PDGFC: variants seen among roughly 807,000 people sequenced by gnomAD.
PDGFC encodes the protein platelet derived growth factor C.
Under a neutral mutation model 35.5 loss-of-function variants are expected in PDGFC, and 12 were observed. That is an observed-to-expected ratio of 0.34 (90% confidence interval 0.22 to 0.55). PDGFC has a LOEUF of 0.55. PDGFC is among the 20% of genes least tolerant of loss of function. The probability of loss-of-function intolerance (pLI) is 0.91; values close to 1 mark genes in which losing one functional copy is unlikely to be tolerated. For missense variants in PDGFC, 322 were observed against 412.4 expected (o/e 0.78, Z 1.90); for synonymous variants, 159 against 148.8 (o/e 1.07, Z -0.50).
intron 2 of PDGFC, among the ~76,000 whole-genome samples, chr4:156,815,950 C>T (rs1409133724): frequency 2.6e-5 from 4 of 152,126 alleles, no homozygotes; most frequent in South Asian, 2.1e-4. Flanking sequence ...GGAGGATTTA[C>T]GTTCTTTTAT....
At chr4:156,845,397 C>G (rs980128430) in intron 2 of PDGFC, among the ~76,000 whole-genome samples, 4 of 151,328 alleles carry the variant, frequency 2.6e-5, no homozygotes, top group African/African-American at 9.7e-5. Flanking sequence ...TATATATATA[C>G]AGAGAGAGAA....
intron 1 of PDGFC, chr4:156,873,988 C>T (rs1480110981): frequency 6.6e-6 from 1 of 152,184 alleles, no homozygotes; most frequent in Non-Finnish European, 1.5e-5. Context: ...ACACTGAAAG[C>T]CCAACCTCAT....
At chr4:156,904,204 C>T (rs1212627816) in intron 1 of PDGFC, among the ~76,000 whole-genome samples, 1 of 151,968 alleles carries the variant, frequency 6.6e-6, no homozygotes, top group Non-Finnish European at 1.5e-5. Flanking sequence ...AGTTCCTTAT[C>T]AACTGACTTG....
At chr4:156,871,018 C>CA (rs1729969562) in intron 1 of PDGFC, among the ~76,000 whole-genome samples, 1 of 152,028 alleles carries the variant, frequency 6.6e-6, no homozygotes, top group African/African-American at 2.4e-5. Context: ...TATGGGCAAA[C>CA]AAAATGATTC....
intron 1 of PDGFC, among the ~76,000 whole-genome samples, chr4:156,863,015 AC>A (rs2111119072): frequency 6.6e-6 from 1 of 152,220 alleles, no homozygotes; most frequent in South Asian, 2.1e-4. Flanking sequence ...TATAGTTCTT[AC>A]AATGATTTTC....
chr4:156,849,079 G>A (rs1729392706), intron 2 of PDGFC, among the ~76,000 whole-genome samples: 1 of 151,984 alleles, frequency 6.6e-6, no homozygotes, highest in Non-Finnish European at 1.5e-5. Context: ...AAAAAGACAA[G>A]AGGTGCAGTA....
Position 156,850,288 on chromosome 4 carries a change from T to C in PDGFC, c.247A>G (p.Asn83Asp). 1 of 1,610,568 alleles carries C rather than the reference T, an allele frequency of 6.2e-7. No individual in the cohort carries two copies. Among genetic ancestry groups the C allele is most frequent in the African/African-American group, 1.3e-5 (1 of 74,958 alleles). ...LVWRLVAVEE[N>D]VWIQLTFDER... is the part of the protein sequence containing the mutation. ...TCAAACGTAAGTTGTATCCATACAT[T>C]TTCCTCTACTGCTACTAATCTCCAT... Residue 83 changes from asparagine (N) to aspartate (D), a missense_variant, in exon 2 of 6, where the codon AAT becomes GAT. Asn to Asp is a conservative substitution (Grantham distance 23, BLOSUM62 1). Coordinates refer to ENST00000502773, the MANE Select transcript of PDGFC (RefSeq NM_016205.3).
intron 2 of PDGFC, chr4:156,842,255 A>T (rs528161302): frequency 6.6e-6 from 1 of 152,260 alleles, no homozygotes; most frequent in Admixed American, 6.5e-5. Context: ...GGACGATTTA[A>T]AGGTTTTCTT....
chr4:156,904,616 A>G (rs1730871206), intron 1 of PDGFC, among the ~76,000 whole-genome samples: 1 of 152,114 alleles, frequency 6.6e-6, no homozygotes, highest in Non-Finnish European at 1.5e-5. Flanking sequence ...ATATAAGAGA[A>G]TTTCACCATC....
At position 156,826,174 on chromosome 4, in the gene PDGFC, A is replaced by ATATTTTT. The variant is rs1553967848; in HGVS notation, c.315-15158_315-15157insAAAAATA. ...GCCACCATATCCAGCTTTGAGTTGG[A>ATATTTTT]TTTTTTTTTTTTTTTTTTTTTTTTT... On this transcript the variant is annotated intron_variant, in intron 2 of 5. Transcript: ENST00000502773. Among the ~76,000 whole-genome samples, 19 of 43,784 alleles carry ATATTTTT rather than the reference A, an allele frequency of 4.3e-4. 2 individuals carry two copies. In the South Asian group the frequency reaches 4.5e-3, roughly 10 times the overall value. 28.7% of individuals were successfully genotyped at this position (43,784 alleles called of 152,430 possible). A position where few individuals can be genotyped will look rare whatever the true frequency, so the allele number is the denominator to read the frequency against.
At chr4:156,776,828 A>G (rs1730841779) in intron 3 of PDGFC, among the ~76,000 whole-genome samples, 1 of 152,166 alleles carries the variant, frequency 6.6e-6, no homozygotes, top group Admixed American at 6.5e-5. Context: ...GAGTTTGACT[A>G]AACTGCATAA....
At chr4:156,950,792 GACT>G (rs1380055716) in intron 1 of PDGFC, among the ~76,000 whole-genome samples, 2 of 151,586 alleles carry the variant, frequency 1.3e-5, no homozygotes, top group African/African-American at 2.4e-5. Context: ...ATTGCTAAAT[GACT>G]ACAAATTTAT....
intron 3 of PDGFC, among the ~76,000 whole-genome samples, chr4:156,774,749 G>A (rs549301650): frequency 3.3e-5 from 5 of 150,102 alleles, no homozygotes; most frequent in South Asian, 4.2e-4. Flanking sequence ...GAATGACAAT[G>A]TCTGGCCTCC....
intron 3 of PDGFC, among the ~76,000 whole-genome samples, chr4:156,775,916 G>A (rs1225103293): frequency 6.6e-6 from 1 of 152,110 alleles, no homozygotes; most frequent in Non-Finnish European, 1.5e-5. Flanking sequence ...CAGGAAAGAA[G>A]AATGAACATA....
intron 5 of PDGFC, among the ~76,000 whole-genome samples, chr4:156,767,244 T>G (rs1730564075): frequency 2.0e-5 from 3 of 152,094 alleles, no homozygotes; most frequent in Admixed American, 1.3e-4. Flanking sequence ...TTCCAAAGAA[T>G]AAAGAGATGA....
At chr4:156,958,146 A>C (rs914877832) in intron 1 of PDGFC, among the ~76,000 whole-genome samples, 2 of 151,936 alleles carry the variant, frequency 1.3e-5, no homozygotes, top group African/African-American at 4.8e-5. Context: ...CTTTGGCTAT[A>C]AACTACTTGA....
chr4:156,850,172 G>C, intron 2 of PDGFC, 49 bp downstream of exon 2: 1 of 953,400 alleles, frequency 1.0e-6, no homozygotes, highest in Non-Finnish European at 1.5e-6. Flanking sequence ...CAATTTGAAA[G>C]ACTTTTAACA....
chr4:156,902,357 C>T (rs759565102), intron 1 of PDGFC, among the ~76,000 whole-genome samples: 1 of 152,110 alleles, frequency 6.6e-6, no homozygotes, highest in Admixed American at 6.5e-5. Context: ...ATGAAACTAA[C>T]ATAAAGTCAC....
intron 3 of PDGFC, among the ~76,000 whole-genome samples, chr4:156,809,212 A>G (rs1320848367): frequency 2.6e-5 from 4 of 152,008 alleles, no homozygotes; most frequent in African/African-American, 9.7e-5. Context: ...ACAATTTACC[A>G]ATCATTGTTA....
Sources: gnomAD v4.1 joint callset for allele counts (sites outside exome capture counted in the v4.1 genomes callset) on GRCh38, gnomAD v4.1.1 for gene constraint, MANE v1.5 for transcripts, NCBI Gene and HGNC (gene_info 2026-07-23, HGNC 2026-07-21) for gene names.